The following ATP2C2 variants were observed in gnomAD, a reference collection of about 807,000 sequenced individuals.
The protein encoded by ATP2C2 is calcium-transporting ATPase type 2C member 2.
In ATP2C2, 171 loss-of-function variants were observed where a neutral mutation model predicts 110.8. The ratio of observed to expected loss-of-function variants is 1.54; its 90% confidence interval spans 1.36 to 1.75. The LOEUF (loss-of-function observed/expected upper bound fraction) is 1.75. Among genes scored for constraint, ATP2C2 ranks in the 40% most tolerant of loss-of-function variants. The pLI, the probability that ATP2C2 is intolerant of heterozygous loss-of-function variation, is 0.00. For missense variants in ATP2C2, 1,963 were observed against 1,235.0 expected, an observed-to-expected ratio of 1.59 and a Z score of -8.84; for synonymous variants, 804 against 508.4, an observed-to-expected ratio of 1.58 and a Z score of -7.82.
intron 15 of ATP2C2, among the ~76,000 whole-genome samples, chr16:84,443,300 T>G (rs1304446431): frequency 6.6e-6 from 1 of 152,162 alleles, no homozygotes; most frequent in Non-Finnish European, 1.5e-5. Context: ...CACGTCTGTT[T>G]CCATGGCCAC....
At chr16:84,455,059 T>C (rs996557780) in intron 21 of ATP2C2, 75 bp downstream of exon 21, 1 of 1,339,920 alleles carries the variant, frequency 7.5e-7, no homozygotes, top group Non-Finnish European at 1.0e-6. Flanking sequence ...AACCTGCTAC[T>C]GTGGAGATAG....
At chr16:84,416,705 C>T (rs1906864424) in intron 7 of ATP2C2, among the ~76,000 whole-genome samples, 1 of 152,148 alleles carries the variant, frequency 6.6e-6, no homozygotes, top group African/African-American at 2.4e-5. Context: ...AGGGTTCGCC[C>T]TCGGGCTCAG....
At chr16:84,407,683 G>A (rs1253648254) in intron 3 of ATP2C2, among the ~76,000 whole-genome samples, 1 of 152,026 alleles carries the variant, frequency 6.6e-6, no homozygotes, top group East Asian at 1.9e-4. Flanking sequence ...TGTTTCCCAG[G>A]CTGGACTGAA....
chr16:84,406,374 A>T (rs1169031288), intron 3 of ATP2C2, among the ~76,000 whole-genome samples: 1 of 152,158 alleles, frequency 6.6e-6, no homozygotes, highest in Non-Finnish European at 1.5e-5. Flanking sequence ...ATGGCCTTAG[A>T]TCCCCTTTTC....
chr16:84,446,275 T>C (rs1909738504), intron 15 of ATP2C2, 54 bp from the exon 16 acceptor site: 7 of 1,067,746 alleles, frequency 6.6e-6, no homozygotes, highest in Non-Finnish European at 8.2e-6. Flanking sequence ...CTGAGCTTTG[T>C]ATAGAGATTG....
chr16:84,446,481 C>T, intron 16 of ATP2C2, 51 bp downstream of exon 16: 1 of 1,358,966 alleles, frequency 7.4e-7, no homozygotes. Flanking sequence ...CGGGCCCCCA[C>T]CCAGAGATAA....
Position 84,464,153 on chromosome 16 carries a change from A to AT in ATP2C2, c.*421_*422insT, listed in dbSNP as rs529574184. ...CCATTTCCTCATCATAAAATGAGGG[A>AT]CTTTTAAATAAAGTGCTATGCCGGG... On this transcript the variant is annotated 3_prime_UTR_variant, in exon 27 of 27. Coordinates refer to ENST00000262429, the MANE Select transcript of ATP2C2 (RefSeq NM_014861.4). 64 of 157,672 alleles carry AT rather than the reference A, an allele frequency of 4.1e-4. No individual in the cohort carries two copies. In the South Asian group the frequency reaches 0.012, roughly 29 times the overall value. The allele number at this position is 157,672 out of a possible 1,614,324, so 9.8% of individuals were successfully genotyped here.
chr16:84,383,498 G>A (rs189647446), intron 1 of ATP2C2, among the ~76,000 whole-genome samples: 1,867 of 152,236 alleles, frequency 0.012, 18 homozygotes, highest in Non-Finnish European at 0.015. Context: ...GAATGAACCT[G>A]TTTCTTCCCA....
chr16:84,427,641 C>G (rs148291726), intron 11 of ATP2C2, among the ~76,000 whole-genome samples: 1 of 152,070 alleles, frequency 6.6e-6, no homozygotes, highest in Non-Finnish European at 1.5e-5. Context: ...CGCTTGAGCC[C>G]GGGAGGTGGA....
rs75288610 is a variant in ATP2C2, at chr16:84,384,298, G to A, written c.100-14201G>A. Among the ~76,000 whole-genome samples, 1,043 of 152,150 alleles carry A rather than the reference G, an allele frequency of 6.9e-3. 17 individuals carry two copies. The highest frequency in any genetic ancestry group is 0.024 in the African/African-American group (1,013 of 41,492). ...GATTTTCCTTGTCTTCTGTATTCTC[G>A]ACCTTTTTAGAGATTCCGGGCTCAG... On this transcript the variant is annotated intron_variant, in intron 1 of 26. Coordinates refer to ENST00000262429, the MANE Select transcript of ATP2C2 (RefSeq NM_014861.4).
rs1249515812 is a variant in ATP2C2 at position 84,374,332 on chromosome 16, GA to G, written c.99+5619del. On this transcript the variant is annotated intron_variant, in intron 1 of 26. Coordinates refer to ENST00000262429, the MANE Select transcript of ATP2C2 (RefSeq NM_014861.4). The stretch of plus-strand genomic sequence containing the variant: ...TTCAGTGTGTGTCAGCCTTCACTGG[GA>G]TGCTACAGTGTGTGCTGTGATGGTT... Among the ~76,000 whole-genome samples the G allele has an allele frequency of 2.0e-5, 3 of 152,180 alleles. No individual in the cohort carries two copies. In the East Asian group the frequency reaches 5.8e-4, roughly 29 times the overall value.
intron 11 of ATP2C2, among the ~76,000 whole-genome samples, chr16:84,434,122 A>G (rs562998108): frequency 1.3e-5 from 2 of 152,234 alleles, no homozygotes; most frequent in African/African-American, 4.8e-5. Context: ...GAACTTTTTT[A>G]AAACGAATTC....
Position 84,422,475 on chromosome 16 carries a change from G to A in ATP2C2, c.710G>A (p.Gly237Glu). ...ACAGACAGCCCCTTGACAGGCGGTG[G>A]GGACCTCACCACCCTCAGCAACATC... ...SKTDSPLTGG[G>E]DLTTLSNIVF... The change falls in exon 8 of 27, where the codon GGG (glycine) becomes GAG (glutamate). Residue 237 changes from glycine to glutamate, a missense_variant. Gly to Glu is a moderately conservative substitution (Grantham distance 98). Transcript: ENST00000262429. 6.2e-7 allele frequency: 1 copy of A among 1,614,136 alleles called. No homozygotes were observed. Among genetic ancestry groups the A allele is most frequent in the Non-Finnish European group, 8.5e-7 (1 of 1,180,020 alleles).
chr16:84,414,945 G>A (rs1478000412), intron 6 of ATP2C2, among the ~76,000 whole-genome samples: 4 of 152,166 alleles, frequency 2.6e-5, no homozygotes, highest in African/African-American at 9.7e-5. Flanking sequence ...CCAGGTCGGA[G>A]GTCAGAGTCA....
At chr16:84,444,885 C>G (rs572926643) in intron 15 of ATP2C2, among the ~76,000 whole-genome samples, 40 of 152,328 alleles carry the variant, frequency 2.6e-4, no homozygotes, top group African/African-American at 8.7e-4. Context: ...CCTGTCTCAC[C>G]TGCTCTAAAT....
chr16:84,443,976 G>C (rs1480469952), intron 15 of ATP2C2, among the ~76,000 whole-genome samples: 1 of 152,082 alleles, frequency 6.6e-6, no homozygotes, highest in Non-Finnish European at 1.5e-5. Context: ...AGACCAGCCT[G>C]GGCAACATAG....
chr16:84,423,462 C>G (rs984663689), intron 10 of ATP2C2, among the ~76,000 whole-genome samples, 199 bp downstream of exon 10: 2 of 152,206 alleles, frequency 1.3e-5, no homozygotes, highest in Admixed American at 6.5e-5. Context: ...GCAGCCACTA[C>G]ATTTTCTTGG....
intron 2 of ATP2C2, chr16:84,404,589 C>A (rs867904150): frequency 8.0e-6 from 2 of 248,954 alleles, no homozygotes; most frequent in Admixed American, 1.0e-4. Flanking sequence ...TTCATGCATT[C>A]ATTCATCCCT....
intron 5 of ATP2C2, 27 bp from the exon 6 acceptor site, chr16:84,410,677 C>T: frequency 1.2e-6 from 2 of 1,613,670 alleles, no homozygotes; most frequent in South Asian, 1.1e-5. Context: ...CACCTTTAAA[C>T]AGCACATCTG....
Sources: gnomAD v4.1 joint callset for allele counts (sites outside exome capture counted in the v4.1 genomes callset) on GRCh38, gnomAD v4.1.1 for gene constraint, MANE v1.5 for transcripts, NCBI Gene and HGNC (gene_info 2026-07-23, HGNC 2026-07-21) for gene names.